The following KIF13A variants were observed in gnomAD, a reference collection of about 807,000 sequenced individuals.
The protein encoded by KIF13A is kinesin-like protein KIF13A.
A neutral mutation model predicts 212.2 loss-of-function variants in KIF13A; 79 were observed. The ratio of observed to expected loss-of-function variants is 0.37; its 90% CI spans 0.31 to 0.45. The LOEUF (loss-of-function observed/expected upper bound fraction) is 0.45, where lower values mean the gene tolerates loss of function less well. Ranked by LOEUF, KIF13A falls within the 20% of genes least tolerant of loss-of-function variation. The pLI is 1.00. For synonymous variants in KIF13A, 789 were observed against 808.6 expected (o/e 0.98, Z 0.41); for missense variants, 1,901 against 2,209.0 (o/e 0.86, Z 2.79).
In KIF13A at chr6:17,764,413, G is replaced by A; in HGVS notation, c.5115C>T (p.Cys1705=). 1 of 1,614,026 alleles carries A rather than the reference G, an allele frequency of 6.2e-7. No homozygotes were observed. Among genetic ancestry groups the A allele is most frequent in the Non-Finnish European group, 8.5e-7 (1 of 1,179,892 alleles). The change falls in exon 39 of 39, where the codon TGC becomes TGT. Residue 1705 remains cysteine (C), a synonymous_variant. Coordinates refer to ENST00000259711, the MANE Select transcript of KIF13A (RefSeq NM_022113.6). The surrounding 1 kb of genome is among the most constrained non-coding windows in gnomAD (Gnocchi z 5.1). Reference sequence around the variant, plus strand: ...TGGCTGGCTGGCTAATTTTGCTGGGGCAGGCATCTAGTTCTGAACATGAGC... The same window carrying A: ...TGGCTGGCTGGCTAATTTTGCTGGGACAGGCATCTAGTTCTGAACATGAGC... The part of the protein sequence containing the change: ...RTGSCSELDA[C]PSKISQPARG...
intron 2 of KIF13A, among the ~76,000 whole-genome samples, chr6:17,911,858 G>A (rs947243195): frequency 1.3e-5 from 2 of 151,128 alleles, no homozygotes; most frequent in Non-Finnish European, 2.9e-5. Context: ...TCCACCTCCC[G>A]GGTTCAAGCG....
chr6:17,896,785 T>C (rs1772606373), intron 3 of KIF13A, among the ~76,000 whole-genome samples: 1 of 152,320 alleles, frequency 6.6e-6, no homozygotes, highest in African/African-American at 2.4e-5. Flanking sequence ...TTCATTTCAG[T>C]GCTTTTCCTT....
chr6:17,896,484 C>G (rs977483648), intron 3 of KIF13A, among the ~76,000 whole-genome samples: 3 of 152,304 alleles, frequency 2.0e-5, no homozygotes, highest in African/African-American at 7.2e-5. Flanking sequence ...AGGCCTATAT[C>G]TACTTTGTGT....
Position 17,826,091 on chromosome 6 carries a change from G to T in KIF13A, c.1566C>A (p.Thr522=). 6.2e-7 allele frequency: 1 copy of T among 1,613,978 alleles called. No homozygotes were observed. Among genetic ancestry groups the T allele is most frequent in the Admixed American group, 1.7e-5 (1 of 60,014 alleles). ...TTCGGTCACCATGCCACAGCTGGGT[G>T]GTACTGCACACAAGGGTGCCGTTCA... is the stretch of plus-strand genomic sequence containing the variant. ...SCVNGTLVCS[T]TQLWHGDRIL... Residue 522 remains threonine (T), a synonymous_variant, in exon 15 of 39, where the codon ACC becomes ACA. Transcript: ENST00000259711. This position sits in a 1 kb window ranked among gnomAD's most constrained non-coding sequence, Gnocchi z 4.7.
At chr6:17,893,341 C>T (rs575249800) in intron 3 of KIF13A, among the ~76,000 whole-genome samples, 91 of 152,170 alleles carry the variant, frequency 6.0e-4, no homozygotes, top group Non-Finnish European at 1.0e-3. Flanking sequence ...AGAAGCTCTG[C>T]CTGTTTTTCA....
intron 4 of KIF13A, among the ~76,000 whole-genome samples, chr6:17,869,020 A>AAAAAAAAAAAC (rs1769736972): frequency 1.6e-5 from 2 of 124,038 alleles, no homozygotes; most frequent in African/African-American, 5.9e-5. Context: ...AAAAAAAAAA[A>AAAAAAAAAAAC]CACAAATAAA....
intron 34 of KIF13A, among the ~76,000 whole-genome samples, chr6:17,775,931 G>C (rs1446430895): frequency 2.6e-5 from 4 of 152,052 alleles, no homozygotes; most frequent in Non-Finnish European, 5.9e-5. Context: ...GCCCAGGCTG[G>C]AGTGCAATGG....
downstream of KIF13A, among the ~76,000 whole-genome samples, chr6:17,761,251 T>A (rs1758568706): frequency 6.6e-6 from 1 of 152,084 alleles, no homozygotes; most frequent in South Asian, 2.1e-4. Flanking sequence ...AAAAAAACAT[T>A]TAAATTTTTG....
In KIF13A at chr6:17,851,905, A is replaced by G. The variant is rs780161127; in HGVS notation, c.582+50T>C. ...AAAATATACTCAGTATCACTTACAT[A>G]CTTTGATTTATAGTCAGCTTTTAAT... On this transcript the variant is annotated intron_variant, in intron 7 of 38. Coordinates refer to ENST00000259711, the MANE Select transcript of KIF13A (RefSeq NM_022113.6). The G allele has an allele frequency of 2.6e-5, 25 of 969,622 alleles. No individual in the cohort carries two copies. In the Middle Eastern group the frequency reaches 8.6e-4, roughly 33 times the overall value. 60.1% of individuals were successfully genotyped at this position (969,622 alleles called of 1,614,324 possible). A position where few individuals can be genotyped will look rare whatever the true frequency, so the allele number is the denominator to read the frequency against.
chr6:17,868,128 T>C lies in KIF13A; in HGVS notation c.220+5249A>G, dbSNP rs370622120. Among the ~76,000 whole-genome samples the C allele has an allele frequency of 8.5e-5, 13 of 152,268 alleles. No individual in the cohort carries two copies. The East Asian group carries it at 1.5e-3, about 18-fold the overall frequency. On this transcript the variant is annotated intron_variant, in intron 4 of 38. Coordinates refer to ENST00000259711, the MANE Select transcript of KIF13A (RefSeq NM_022113.6). ...ACATGCCATATGGCAAGAACTGTTA[T>C]ATAATTTCTGAGTCAACAGTTTAGA...
intron 2 of KIF13A, among the ~76,000 whole-genome samples, chr6:17,927,669 TTAAGTA>T (rs1259387033): frequency 1.3e-5 from 2 of 152,228 alleles, no homozygotes; most frequent in African/African-American, 4.8e-5. Flanking sequence ...ATGATCAATT[TTAAGTA>T]TATTTTGCCA....
rs1774166762 is a variant in KIF13A, at chr6:17,912,531, A to G, written c.147-14351T>C. ...GTTCTCACCCTAAGCACTTATTAGC[A>G]TATAGACAATGCTTATTAAATTCTA... On this transcript the variant is annotated intron_variant, in intron 2 of 38. Coordinates refer to ENST00000259711, the MANE Select transcript of KIF13A (RefSeq NM_022113.6). The surrounding 1 kb of genome is among the most constrained non-coding windows in gnomAD (Gnocchi z 4.2). 6.6e-6 allele frequency among the ~76,000 whole-genome samples: 1 copy of G among 152,236 alleles called. No individual in the cohort carries two copies. Among genetic ancestry groups the G allele is most frequent in the African/African-American group, 2.4e-5 (1 of 41,456 alleles).
At chr6:17,808,261 C>G (rs968132018) in intron 18 of KIF13A, among the ~76,000 whole-genome samples, 1 of 152,132 alleles carries the variant, frequency 6.6e-6, no homozygotes, top group Non-Finnish European at 1.5e-5. Context: ...TAGTGCGCGC[C>G]TGTAATCCCA....
At position 17,834,316 on chromosome 6, in the gene KIF13A, T is replaced by TTA. The variant is rs1298176152; in HGVS notation, c.1156-247_1156-246dup. Among the ~76,000 whole-genome samples the TTA allele has an allele frequency of 2.0e-5, 3 of 152,366 alleles. No homozygotes were observed. The South Asian group carries it at 6.2e-4, about 32-fold the overall frequency. On this transcript the variant is annotated intron_variant, in intron 11 of 38. Transcript: ENST00000259711. The surrounding 1 kb of genome is among the most constrained non-coding windows in gnomAD (Gnocchi z 4.0). Reference sequence around the variant, plus strand: ...AACAAATCATTAGTCATTTTATCCATTATACTTAAATTTCACATTTAAAGC... The same window carrying TTA: ...AACAAATCATTAGTCATTTTATCCATTATATACTTAAATTTCACATTTAAAGC...
intron 2 of KIF13A, among the ~76,000 whole-genome samples, chr6:17,975,100 T>C (rs889483335): frequency 1.3e-5 from 2 of 152,086 alleles, no homozygotes; most frequent in Non-Finnish European, 2.9e-5. Flanking sequence ...TCCCAGAACT[T>C]TGAGAGAAAG....
chr6:17,781,072 C>A, intron 30 of KIF13A, 105 bp downstream of exon 30: 1 of 1,468,260 alleles, frequency 6.8e-7, no homozygotes, highest in Non-Finnish European at 9.4e-7. Context: ...TTTTTAAAGT[C>A]CCCGGTCTTT....
At chr6:17,797,575 A>G (rs1057302186) in intron 22 of KIF13A, among the ~76,000 whole-genome samples, 2 of 152,118 alleles carry the variant, frequency 1.3e-5, no homozygotes, top group Non-Finnish European at 2.9e-5. Context: ...CTTGCTCTTA[A>G]GCTTTCCTAC....
chr6:17,980,625 T>C (rs914137611), intron 2 of KIF13A, among the ~76,000 whole-genome samples: 4 of 152,094 alleles, frequency 2.6e-5, no homozygotes, highest in African/African-American at 9.7e-5. Context: ...GGCAGAGAGT[T>C]TGGATGCTAA....
intron 3 of KIF13A, among the ~76,000 whole-genome samples, chr6:17,887,560 C>T (rs1771656767): frequency 6.6e-6 from 1 of 152,158 alleles, no homozygotes; most frequent in Non-Finnish European, 1.5e-5. Context: ...TCCAGACTCC[C>T]AATGCTCTAT....
Sources: gnomAD v4.1 joint callset for allele counts (sites outside exome capture counted in the v4.1 genomes callset) on GRCh38, gnomAD v4.1.1 for gene constraint, Gnocchi (gnomAD v3.1) non-coding constraint, MANE v1.5 for transcripts, NCBI Gene and HGNC (gene_info 2026-07-23, HGNC 2026-07-21) for gene names.